Variants in TBX5 observed in about 807,000 individuals in gnomAD.
TBX5 encodes the protein T-box transcription factor TBX5.
TBX5 carries 8 observed loss-of-function variants against 51.1 expected under a neutral mutation model. That is an observed-to-expected ratio of 0.16 (90% CI 0.09 to 0.28). The LOEUF is 0.28. Among genes scored for constraint, TBX5 ranks in the 10% least tolerant of loss-of-function variants. The probability of loss-of-function intolerance (pLI) is 1.00; values close to 1 mark genes in which losing one functional copy is unlikely to be tolerated. For missense variants in TBX5, 589 were observed against 671.7 expected (o/e 0.88, Z 1.36); for synonymous variants, 302 against 266.4 (o/e 1.13, Z -1.30).
upstream of TBX5, chr12:114,408,245 T>C: frequency 1.0e-6 from 1 of 982,018 alleles, no homozygotes; most frequent in African/African-American, 1.7e-5. Context: ...CGGGAATAAA[T>C]AAAGACATAA....
intron 5 of TBX5, among the ~76,000 whole-genome samples, chr12:114,395,253 C>T (rs1871355178): frequency 6.6e-6 from 1 of 152,088 alleles, no homozygotes; most frequent in Non-Finnish European, 1.5e-5. Flanking sequence ...GGAGGGAAGC[C>T]TCAAGGGCAC....
At chr12:114,371,051 T>C (rs1051146899) in intron 7 of TBX5, among the ~76,000 whole-genome samples, 2 of 152,128 alleles carry the variant, frequency 1.3e-5, no homozygotes, top group African/African-American at 4.8e-5. Context: ...AATAAGCAAT[T>C]GTTACCTCCA....
At chr12:114,373,374 G>A (rs1301336512) in intron 7 of TBX5, among the ~76,000 whole-genome samples, 1 of 152,184 alleles carries the variant, frequency 6.6e-6, no homozygotes, top group African/African-American at 2.4e-5. Flanking sequence ...GTAAAAGCTA[G>A]ATGTAAAACT....
intron 8 of TBX5, among the ~76,000 whole-genome samples, chr12:114,357,726 C>A (rs1424825218): frequency 4.6e-5 from 7 of 152,206 alleles, no homozygotes; most frequent in East Asian, 1.9e-4. Flanking sequence ...AAAGTATAAA[C>A]CTCAACACAG....
intron 6 of TBX5, among the ~76,000 whole-genome samples, chr12:114,392,722 AT>A (rs5801053): frequency 0.97 from 147,426 of 151,464 alleles, 71,788 homozygotes; most frequent in East Asian, 1. Flanking sequence ...CCTTATTGCT[AT>A]TTTTTTTTTC....
chr12:114,396,061 T>G (rs1871399870), intron 5 of TBX5, among the ~76,000 whole-genome samples: 1 of 152,084 alleles, frequency 6.6e-6, no homozygotes, highest in Non-Finnish European at 1.5e-5. Context: ...TTTGATTATT[T>G]GCATTGATGA....
At chr12:114,362,206 A>G (rs575427326) in intron 8 of TBX5, among the ~76,000 whole-genome samples, 3 of 152,192 alleles carry the variant, frequency 2.0e-5, no homozygotes, top group Non-Finnish European at 4.4e-5. Flanking sequence ...TCTGGTGCCA[A>G]CTAAATAGTC....
At position 114,388,675 on chromosome 12, in the gene TBX5, CGTGTGTGTGTGTGT is replaced by C. The variant is rs59385091; in HGVS notation, c.664-3122_664-3109del. Among the ~76,000 whole-genome samples, 63 of 124,404 alleles carry C rather than the reference CGTGTGTGTGTGTGT, an allele frequency of 5.1e-4. No individual in the cohort carries two copies. In the East Asian group the frequency reaches 5.6e-3, roughly 11 times the overall value. 81.6% of individuals were successfully genotyped at this position (124,404 alleles called of 152,430 possible). A position where few individuals can be genotyped will look rare whatever the true frequency, so the allele number is the denominator to read the frequency against. On this transcript the variant is annotated intron_variant, in intron 6 of 8. Transcript: ENST00000405440. ...TATTTTAAAATATTTTTAAAGTATC[CGTGTGTGTGTGTGT>C]GTGTGTGTGTGTGTGTGTGTGTGTG...
chr12:114,358,777 T>TGTTTG (rs1555223471), intron 8 of TBX5, among the ~76,000 whole-genome samples: 1 of 150,584 alleles, frequency 6.6e-6, no homozygotes, highest in African/African-American at 2.5e-5. Flanking sequence ...GCGGGGTTTT[T>TGTTTG]TTTGTTTGTT....
intron 7 of TBX5, among the ~76,000 whole-genome samples, chr12:114,378,751 C>T (rs1027443135): frequency 5.3e-5 from 8 of 152,138 alleles, no homozygotes; most frequent in South Asian, 2.1e-4. Context: ...ATGCTCCCAC[C>T]TCAGACTCCC....
chr12:114,403,041 T>C (rs553558361), intron 2 of TBX5, among the ~76,000 whole-genome samples: 1 of 152,256 alleles, frequency 6.6e-6, no homozygotes, highest in Non-Finnish European at 1.5e-5. Flanking sequence ...CAGGATCTAC[T>C]GAGGGGCCGA....
At chr12:114,388,675 CGTGT>C (rs59385091) in intron 6 of TBX5, among the ~76,000 whole-genome samples, 12,717 of 124,208 alleles carry the variant, frequency 0.1, 840 homozygotes, top group African/African-American at 0.19. Context: ...TTAAAGTATC[CGTGT>C]GTGTGTGTGT....
At chr12:114,404,256 C>G (rs1357386994) in intron 1 of TBX5, among the ~76,000 whole-genome samples, 1 of 152,120 alleles carries the variant, frequency 6.6e-6, no homozygotes, top group Non-Finnish European at 1.5e-5. Flanking sequence ...TCAAATTTGT[C>G]TGGACTTCTG....
upstream of TBX5, chr12:114,407,243 A>G (rs1872287297): frequency 3.5e-6 from 1 of 288,854 alleles, no homozygotes; most frequent in Non-Finnish European, 5.2e-6. Flanking sequence ...TATGGTGCTC[A>G]CTCCACCTTC....
At chr12:114,407,993 C>T, upstream of TBX5, 2 of 985,424 alleles carry the variant, frequency 2.0e-6, no homozygotes, top group Non-Finnish European at 1.2e-6. Flanking sequence ...TTTGTGGTCT[C>T]CGACAAATTA....
At chr12:114,407,008 C>T (rs1257558622), upstream of TBX5, 4 of 973,106 alleles carry the variant, frequency 4.1e-6, no homozygotes, top group South Asian at 4.7e-5. Context: ...CCTGTACCCC[C>T]ATCATACTGA....
intron 3 of TBX5, among the ~76,000 whole-genome samples, chr12:114,401,186 A>G (rs112423168): frequency 0.034 from 5,172 of 152,292 alleles, 125 homozygotes; most frequent in Middle Eastern, 0.048. Context: ...GCGAGCTTTT[A>G]AGGGGAACTC....
At chr12:114,402,009 C>T in intron 2 of TBX5, 89 bp from the exon 3 acceptor site, 6 of 1,148,888 alleles carry the variant, frequency 5.2e-6, no homozygotes, top group Admixed American at 1.9e-5. Context: ...AGAGACTGCT[C>T]CTCCTTCCCG....
At chr12:114,401,941 T>A (rs551076049) in intron 2 of TBX5, 21 bp from the exon 3 acceptor site, 1 of 1,609,848 alleles carries the variant, frequency 6.2e-7, no homozygotes, top group African/African-American at 1.3e-5. Flanking sequence ...GAGAAAAAAG[T>A]CACACTAACA....
Sources: allele counts gnomAD v4.1 joint callset (sites outside exome capture counted in the v4.1 genomes callset), GRCh38; gene constraint gnomAD v4.1.1; transcripts MANE v1.5; gene names NCBI Gene and HGNC (gene_info 2026-07-23, HGNC 2026-07-21).